Variants in TUBGCP6 observed in about 807,000 individuals in gnomAD.
The protein encoded by TUBGCP6 is gamma-tubulin complex component 6.
A neutral mutation model predicts 175.8 loss-of-function variants in TUBGCP6; 161 were observed. That is an observed-to-expected ratio of 0.92 (90% CI 0.81 to 1.04). The LOEUF (loss-of-function observed/expected upper bound fraction) is 1.04. Among genes scored for constraint, TUBGCP6 ranks in the 50% least tolerant of loss-of-function variants. The pLI, the probability that TUBGCP6 is intolerant of heterozygous loss-of-function variation, is 0.00. For synonymous variants in TUBGCP6, 1,173 were observed against 1,030.5 expected, an observed-to-expected ratio of 1.14 and a Z score of -2.65; for missense variants, 2,572 against 2,433.0, an observed-to-expected ratio of 1.06 and a Z score of -1.20.
At chr22:50,219,541 G>C (rs2064479905) in intron 18 of TUBGCP6, 85 bp from the exon 19 acceptor site, 1 of 1,585,426 alleles carries the variant, frequency 6.3e-7, no homozygotes, top group Non-Finnish European at 8.6e-7. Context: ...CACGTGCTGG[G>C]AACTGGCTAG....
chr22:50,227,132 G>A, intron 5 of TUBGCP6, 55 bp from the exon 6 acceptor site: 1 of 1,500,246 alleles, frequency 6.7e-7, no homozygotes, highest in Non-Finnish European at 9.1e-7. Context: ...TCCCAGGCCT[G>A]GATCAGATCG....
Position 50,217,772 on chromosome 22 carries a change from C to T in TUBGCP6, c.5424G>A (p.Leu1808=). 6.2e-7 allele frequency: 1 copy of T among 1,614,070 alleles called. No individual in the cohort carries two copies. The highest frequency in any genetic ancestry group is 8.5e-7 in the Non-Finnish European group (1 of 1,180,002). The change falls in exon 25 of 25, where the codon CTG becomes CTA. Residue 1808 remains leucine (L), a synonymous_variant. Coordinates refer to ENST00000248846, the MANE Select transcript of TUBGCP6 (RefSeq NM_020461.4). ...GGTAGTAGTTGTTGAAGTTGATGCG[C>T]AGCAGAAAGTCCTCCAGGTGGGGCT... ...GYQPHLEDFL[L]RINFNNYYQD... is the part of the protein sequence containing the mutation.
chr22:50,243,591 C>T (rs2064870887), intron 1 of TUBGCP6, 128 bp downstream of exon 1: 1 of 985,428 alleles, frequency 1.0e-6, no homozygotes. Context: ...GCACTCCAGC[C>T]TGGGTGACAG....
intron 10 of TUBGCP6, 54 bp downstream of exon 10, chr22:50,225,740 C>T: frequency 3.2e-6 from 5 of 1,568,022 alleles, no homozygotes; most frequent in Non-Finnish European, 4.3e-6. Flanking sequence ...CCTGAGACCC[C>T]AGGAAGCAGA....
intron 2 of TUBGCP6, among the ~76,000 whole-genome samples, chr22:50,238,523 G>A (rs1283067611): frequency 7.1e-6 from 1 of 140,026 alleles, no homozygotes; most frequent in Non-Finnish European, 1.5e-5. Flanking sequence ...GCAATAACTT[G>A]TAGGGCCAGT....
intron 1 of TUBGCP6, among the ~76,000 whole-genome samples, chr22:50,240,933 G>A (rs772084882): frequency 1.3e-5 from 2 of 152,234 alleles, no homozygotes; most frequent in Non-Finnish European, 2.9e-5. Context: ...AGGTTGCAGT[G>A]AGCCGAGATT....
rs1460940322 is a variant in TUBGCP6, at chr22:50,219,348, C to T, written c.4424G>A (p.Ser1475Asn). The T allele has an allele frequency of 6.3e-7, 1 of 1,593,866 alleles. No individual in the cohort carries two copies. Residue 1475 changes from serine to asparagine, a missense_variant, in exon 19 of 25, where the codon AGC becomes AAC. Transcript: ENST00000248846. ...GAGCACGGGCAGCGTCAGCAACTCG[C>T]TCAGCTGCACAGCAGTCTCATCAGC... ...SAADETAVQL[S>N]ELLTLPVLMK... is the part of the protein sequence containing the mutation.
rs745553276 is a variant in TUBGCP6 at position 50,229,596 on chromosome 22, C to T, written c.1117-19G>A. 2 of 1,569,842 alleles carry T rather than the reference C, an allele frequency of 1.3e-6. No homozygotes were observed. ...GGGCCGGCTGCACAGGGGCAGAGGA[C>T]ACTGGTCACAGAGGCCAGGCACCCA... On this transcript the variant is annotated intron_variant, in intron 3 of 24. Transcript: ENST00000248846.
chr22:50,226,584 G>A, intron 7 of TUBGCP6, 149 bp downstream of exon 7: 2 of 726,654 alleles, frequency 2.8e-6, no homozygotes. Context: ...GGCAGGGTGG[G>A]GGGTTGGGGG....
rs961023483 is a variant in TUBGCP6, at chr22:50,240,229, G to A, written c.880C>T (p.Arg294Trp). 20 of 1,613,924 alleles carry A rather than the reference G, an allele frequency of 1.2e-5. No homozygotes were observed. Among genetic ancestry groups the A allele is most frequent in the African/African-American group, 2.7e-5 (2 of 75,038 alleles). Residue 294 changes from arginine to tryptophan, a missense_variant, in exon 2 of 25, where the codon CGG (arginine) becomes TGG (tryptophan). By Grantham distance (101) the Arg-to-Trp change is moderately radical. Coordinates refer to ENST00000248846, the MANE Select transcript of TUBGCP6 (RefSeq NM_020461.4). ...CAGCCAACTCGCTCCCAGCACCTCC[G>A]CTTGCTGGCCTCATAGGTAAGTGCG... ...EAALTYEASK[R>W]RCWERVGCPP... is the part of the protein sequence containing the mutation.
rs749374620 is a variant in TUBGCP6, at chr22:50,218,765, G to A, written c.4759C>T (p.Leu1587=). Residue 1587 remains leucine (L), a synonymous_variant, in exon 21 of 25, where the codon CTG becomes TTG. Transcript: ENST00000248846. ...ASNLSLALKY[L]PEVFAPNAPD... ...GCGTTGGGGGCAAACACCTCGGGCA[G>A]GTACTTGAGAGCGAGGGAGAGGTTG... 5.6e-6 allele frequency: 9 copies of A among 1,614,138 alleles called. No homozygotes were observed. The African/African-American group carries it at 8.0e-5, about 14-fold the overall frequency.
rs775701714 is a variant in TUBGCP6 at position 50,224,195 on chromosome 22, C to G, written c.2216G>C (p.Arg739Pro). The G allele has an allele frequency of 6.2e-7, 1 of 1,614,110 alleles. No homozygotes were observed. Among genetic ancestry groups the G allele is most frequent in the East Asian group, 2.2e-5 (1 of 44,886 alleles). ...DDDFSYAREL[R>P]DRERRLKSLE... ...GGACTTCAGCCTTCTCTCCCTGTCTCGGAGTTCACGGGCGTAGCTGAAGTC... is the reference window on the plus strand; with the variant it reads ...GGACTTCAGCCTTCTCTCCCTGTCTGGGAGTTCACGGGCGTAGCTGAAGTC... The change falls in exon 13 of 25, where the codon CGA becomes CCA. Residue 739 changes from arginine (R) to proline (P), a missense_variant. Arg to Pro is a moderately radical substitution (Grantham distance 103). Transcript: ENST00000248846.
rs202112234 is a variant in TUBGCP6, at chr22:50,226,136, A to G, written c.1747T>C (p.Cys583Arg). 9.3e-6 allele frequency: 15 copies of G among 1,614,038 alleles called. 1 individual carries two copies. The Admixed American group carries it at 1.8e-4, about 20-fold the overall frequency. ...YVLISKEVED[C>R]VPVFLKHIAH... ...ATGTGCTTCAGAAACACGGGAACAC[A>G]GTCCTCCACCTCTTTGGAGATGAGC... is the stretch of plus-strand genomic sequence containing the variant. The change falls in exon 9 of 25, where the codon TGT (cysteine) becomes CGT (arginine). Residue 583 changes from cysteine (C) to arginine (R), a missense_variant. By Grantham distance (180) the Cys-to-Arg change is radical. Coordinates refer to ENST00000248846, the MANE Select transcript of TUBGCP6 (RefSeq NM_020461.4).
In TUBGCP6 at chr22:50,244,542, G is replaced by A. The variant is rs2064894453; in HGVS notation, c.-83C>T. On this transcript the variant is annotated 5_prime_UTR_variant, in exon 1 of 25. Transcript: ENST00000248846. ...TCACGCTCCGGAAGACAGGGAGTGA[G>A]AGAGGGTCCGAAGAGGCTGAATGAC... is the stretch of plus-strand genomic sequence containing the variant. 3 of 1,477,262 alleles carry A rather than the reference G, an allele frequency of 2.0e-6. No homozygotes were observed. Among genetic ancestry groups the A allele is most frequent in the South Asian group, 2.7e-5 (2 of 73,748 alleles). The allele number at this position is 1,477,262 out of a possible 1,614,324, so 91.5% of individuals were successfully genotyped here. A position where few individuals can be genotyped will look rare whatever the true frequency, so the allele number is the denominator to read the frequency against.
At chr22:50,222,323 A>G in intron 14 of TUBGCP6, 131 bp downstream of exon 14, 2 of 1,389,094 alleles carry the variant, frequency 1.4e-6, no homozygotes, top group Non-Finnish European at 2.0e-6. Flanking sequence ...GGGGAGAGAG[A>G]GTGCTCTGCC....
chr22:50,217,769 G>A lies in TUBGCP6; in HGVS notation c.5427C>T (p.Arg1809=), dbSNP rs751685809. Reference sequence around the variant, plus strand: ...CCTGGTAGTAGTTGTTGAAGTTGATGCGCAGCAGAAAGTCCTCCAGGTGGG... The same window carrying A: ...CCTGGTAGTAGTTGTTGAAGTTGATACGCAGCAGAAAGTCCTCCAGGTGGG... The part of the protein sequence containing the change: ...YQPHLEDFLL[R]INFNNYYQDA Residue 1809 remains arginine (R), a synonymous_variant, in exon 25 of 25, where the codon CGC becomes CGT. Coordinates refer to ENST00000248846, the MANE Select transcript of TUBGCP6 (RefSeq NM_020461.4). 3 of 1,614,052 alleles carry A rather than the reference G, an allele frequency of 1.9e-6. No individual in the cohort carries two copies. The Admixed American group carries it at 5.0e-5, about 27-fold the overall frequency.
chr22:50,221,566 G>T lies in TUBGCP6; in HGVS notation c.2793C>A (p.Pro931=). The part of the protein sequence containing the change: ...ALQTINLDLP[P]SAPGEAPAAA... ...CTGCGGGTGCCTCCCCAGGAGCTGA[G>T]GGGGGCAGGTCCAAGTTAATGGTCT... is the stretch of plus-strand genomic sequence containing the variant. Residue 931 remains proline (P), a synonymous_variant, in exon 16 of 25, where the codon CCC becomes CCA. Transcript: ENST00000248846. 6.3e-7 allele frequency: 1 copy of T among 1,587,856 alleles called. No homozygotes were observed. Among genetic ancestry groups the T allele is most frequent in the Non-Finnish European group, 8.6e-7 (1 of 1,164,908 alleles).
chr22:50,232,178 C>A (rs538179907), intron 3 of TUBGCP6, among the ~76,000 whole-genome samples: 18 of 151,404 alleles, frequency 1.2e-4, no homozygotes, highest in African/African-American at 4.4e-4. Context: ...CCAGCCTGAG[C>A]AACATGGTGA....
intron 2 of TUBGCP6, among the ~76,000 whole-genome samples, chr22:50,234,408 AGCAGCATCCACACCCAAGTCCACG>A (rs1171546976): frequency 3.5e-5 from 5 of 143,756 alleles, no homozygotes; most frequent in Non-Finnish European, 7.5e-5. Flanking sequence ...CCCTGTCCAC[AGCAGCATCCACACCCAAGTCCACG>A]GCAGCATCAT....
Sources: allele counts gnomAD v4.1 joint callset (sites outside exome capture counted in the v4.1 genomes callset), GRCh38; gene constraint gnomAD v4.1.1; transcripts MANE v1.5; gene names NCBI Gene and HGNC (gene_info 2026-07-23, HGNC 2026-07-21).